ALAD: variants seen among roughly 807,000 people sequenced by gnomAD.
The protein encoded by ALAD is delta-aminolevulinic acid dehydratase.
ALAD carries 20 observed loss-of-function variants against 44.4 expected under a neutral mutation model. That is an observed-to-expected ratio of 0.45 (90% CI 0.32 to 0.65). The LOEUF (loss-of-function observed/expected upper bound fraction) is 0.65. Ranked by LOEUF, ALAD falls within the 30% of genes least tolerant of loss-of-function variation. The pLI is 0.05. For synonymous variants in ALAD, 156 were observed against 167.9 expected (o/e 0.93, Z 0.55); for missense variants, 323 against 445.7 (o/e 0.72, Z 2.48).
At chr9:113,394,597 A>AC (rs8177790) in intron 1 of ALAD, among the ~76,000 whole-genome samples, 27,197 of 151,990 alleles carry the variant, frequency 0.18, 2,595 homozygotes, top group African/African-American at 0.22. Flanking sequence ...TTGGAAATAG[A>AC]AAAAAAAGAA....
intron 4 of ALAD, 82 bp downstream of exon 4, chr9:113,391,445 C>G: frequency 1.1e-5 from 13 of 1,206,000 alleles, no homozygotes; most frequent in Non-Finnish European, 1.6e-5. Context: ...CTCAAGTGAT[C>G]CACCCACTTT....
At position 113,393,643 on chromosome 9, in the gene ALAD, G is replaced by C. The variant is rs1382699464; in HGVS notation, c.-75-9C>G. 14 of 1,095,598 alleles carry C rather than the reference G, an allele frequency of 1.3e-5. No homozygotes were observed. In the East Asian group the frequency reaches 3.1e-4, roughly 24 times the overall value. The allele number at this position is 1,095,598 out of a possible 1,614,324, so 67.9% of individuals were successfully genotyped here. A position where few individuals can be genotyped will look rare whatever the true frequency, so the allele number is the denominator to read the frequency against. ...TTGGCTGCAGGCTCTGTCTGTGGGG[G>C]GTGATGGGTGGCACATGAGACATGG... On this transcript the variant is annotated splice_polypyrimidine_tract_variant and intron_variant, in intron 1 of 11. Transcript: ENST00000409155.
Position 113,390,388 on chromosome 9 carries a change from G to A in ALAD, c.570+17C>T, listed in dbSNP as rs769742501. The A allele has an allele frequency of 1.1e-5, 18 of 1,611,910 alleles. No individual in the cohort carries two copies. Among genetic ancestry groups the A allele is most frequent in the Non-Finnish European group, 1.4e-5 (17 of 1,178,580 alleles). ...GACTATCTCCTGCCAGCCCTGTGCT[G>A]CATTCCCTGCCCTTACCCTGTTGCC... On this transcript the variant is annotated intron_variant, in intron 7 of 11. Transcript: ENST00000409155.
chr9:113,393,176 C>G (rs914019260), intron 2 of ALAD: 10 of 509,674 alleles, frequency 2.0e-5, no homozygotes, highest in Non-Finnish European at 3.6e-5. Flanking sequence ...AGCACCTTCT[C>G]AGCTTCTGTC....
rs548784490 is a variant in ALAD at position 113,391,680 on chromosome 9, C to T, written c.165-57G>A. ...AGGCAGGTCCCAGGCAACGGTCCTC[C>T]GGACCCCACCACACTGTGTGCCTCT... On this transcript the variant is annotated intron_variant, in intron 3 of 11. Coordinates refer to ENST00000409155, the MANE Select transcript of ALAD (RefSeq NM_000031.6). 6.6e-5 allele frequency: 91 copies of T among 1,385,390 alleles called. No individual in the cohort carries two copies. The African/African-American group carries it at 7.5e-4, about 11-fold the overall frequency. The allele number at this position is 1,385,390 out of a possible 1,614,324, so 85.8% of individuals were successfully genotyped here. A position where few individuals can be genotyped will look rare whatever the true frequency, so the allele number is the denominator to read the frequency against.
intron 1 of ALAD, chr9:113,397,327 C>A (rs1488209931): frequency 1.3e-5 from 2 of 152,194 alleles, no homozygotes; most frequent in African/African-American, 4.8e-5. Context: ...GAACTGGCTG[C>A]CCTTCTCCCC....
chr9:113,394,579 T>C (rs1042055082), intron 1 of ALAD, among the ~76,000 whole-genome samples: 1 of 148,716 alleles, frequency 6.7e-6, no homozygotes, highest in African/African-American at 2.5e-5. Context: ...TATCAAAGAA[T>C]CAATAAATTG....
At chr9:113,395,251 T>G (rs1240020622) in intron 1 of ALAD, among the ~76,000 whole-genome samples, 3 of 152,188 alleles carry the variant, frequency 2.0e-5, no homozygotes, top group Non-Finnish European at 4.4e-5. Context: ...CTACACCTTC[T>G]TGCTTTCCTA....
In ALAD at chr9:113,389,048, T is replaced by C; in HGVS notation, c.860A>G (p.His287Arg). 2 of 1,613,916 alleles carry C rather than the reference T, an allele frequency of 1.2e-6. No individual in the cohort carries two copies. The highest frequency in any genetic ancestry group is 1.7e-6 in the Non-Finnish European group (2 of 1,180,020). ...HVSGEFAMLW[H>R]GAQAGAFDLK... ...ATCAAATGCCCCGGCCTGGGCTCCA[T>C]GCCACAGCATGGCAAACTCTCCAGA... is the stretch of plus-strand genomic sequence containing the variant. Residue 287 changes from histidine (H) to arginine (R), a missense_variant, in exon 11 of 12, where the codon CAT becomes CGT. Transcript: ENST00000409155.
intron 1 of ALAD, among the ~76,000 whole-genome samples, chr9:113,396,074 T>G (rs933466714): frequency 6.6e-6 from 1 of 152,092 alleles, no homozygotes; most frequent in African/African-American, 2.4e-5. Flanking sequence ...CACATGCCTG[T>G]AATCCCAGCT....
At chr9:113,398,189 A>G (rs1213077677) in intron 1 of ALAD, 2 of 152,288 alleles carry the variant, frequency 1.3e-5, no homozygotes, top group African/African-American at 4.8e-5. Flanking sequence ...TGGGCACAGC[A>G]CTGAAGTACT....
At chr9:113,394,416 T>C (rs186852987) in intron 1 of ALAD, among the ~76,000 whole-genome samples, 15 of 151,404 alleles carry the variant, frequency 9.9e-5, no homozygotes, top group African/African-American at 3.6e-4. Context: ...TCCACACCTG[T>C]AGTCCCAGCT....
At chr9:113,395,157 A>G (rs1827693407) in intron 1 of ALAD, among the ~76,000 whole-genome samples, 1 of 152,200 alleles carries the variant, frequency 6.6e-6, no homozygotes. Context: ...TTCATGTTAG[A>G]TAGACAGACA....
At chr9:113,388,834 T>G in intron 11 of ALAD, 143 bp downstream of exon 11, 1 of 1,326,716 alleles carries the variant, frequency 7.5e-7, no homozygotes, top group East Asian at 2.4e-5. Context: ...GTTCCATATC[T>G]CTTCCTCAGT....
At chr9:113,390,552 C>A (rs1352651376) in intron 6 of ALAD, 41 bp downstream of exon 6, 2 of 1,613,902 alleles carry the variant, frequency 1.2e-6, no homozygotes, top group Non-Finnish European at 1.7e-6. Flanking sequence ...TCTGCCACCT[C>A]CTGACCCAGA....
chr9:113,395,663 G>T (rs970154589), intron 1 of ALAD, among the ~76,000 whole-genome samples: 2 of 152,212 alleles, frequency 1.3e-5, no homozygotes, highest in African/African-American at 4.8e-5. Context: ...CATCAAGTGG[G>T]CACTACAGTC....
rs1827395185 is a variant in ALAD, at chr9:113,386,365, A to G, written c.*1935T>C. 6.6e-6 allele frequency: 1 copy of G among 152,180 alleles called. No individual in the cohort carries two copies. The highest frequency in any genetic ancestry group is 1.5e-5 in the Non-Finnish European group (1 of 68,040). The allele number at this position is 152,180 out of a possible 1,614,324, so 9.4% of individuals were successfully genotyped here. Reference sequence around the variant, plus strand: ...AAATTCTTTACAACTTTATTACAATATAGATTTTGTGTTGGATAGTTTTGC... The same window carrying G: ...AAATTCTTTACAACTTTATTACAATGTAGATTTTGTGTTGGATAGTTTTGC... On this transcript the variant is annotated 3_prime_UTR_variant, in exon 12 of 12. Coordinates refer to ENST00000409155, the MANE Select transcript of ALAD (RefSeq NM_000031.6).
intron 2 of ALAD, chr9:113,393,192 G>C: frequency 3.7e-6 from 2 of 540,920 alleles, no homozygotes; most frequent in Non-Finnish European, 6.7e-6. Flanking sequence ...CTGTCTTACT[G>C]CAAGAGCTCA....
chr9:113,388,790 C>T (rs866151279), intron 11 of ALAD, among the ~76,000 whole-genome samples, 187 bp downstream of exon 11: 4 of 152,210 alleles, frequency 2.6e-5, no homozygotes, highest in South Asian at 2.1e-4. Context: ...ATGAAGGGCT[C>T]TGCTTGCTTC....
Sources: gnomAD v4.1 joint callset for allele counts (sites outside exome capture counted in the v4.1 genomes callset) on GRCh38, gnomAD v4.1.1 for gene constraint, MANE v1.5 for transcripts, NCBI Gene and HGNC (gene_info 2026-07-23, HGNC 2026-07-21) for gene names.